SULT1A2: variants seen among roughly 807,000 people sequenced by gnomAD.
SULT1A2 encodes the protein sulfotransferase family 1A member 2, also known as sulfotransferase 1A2.
A neutral mutation model predicts 36.0 loss-of-function variants in SULT1A2; 33 were observed. The observed-to-expected ratio is 0.92, with a 90% CI of 0.69 to 1.22. The LOEUF (loss-of-function observed/expected upper bound fraction) is 1.22. Ranked by LOEUF, SULT1A2 falls within the 50% of genes most tolerant of loss-of-function variation. The pLI is 0.00. For synonymous variants in SULT1A2, 138 were observed against 144.5 expected, an observed-to-expected ratio of 0.96 and a Z score of 0.32; for missense variants, 367 against 383.2, an observed-to-expected ratio of 0.96 and a Z score of 0.35.
intron 1 of SULT1A2, 36 bp from the exon 2 acceptor site, chr16:28,595,970 C>T: frequency 1.3e-6 from 2 of 1,599,696 alleles, no homozygotes; most frequent in Non-Finnish European, 1.7e-6. Flanking sequence ...CGTTCCCTTA[C>T]CACCATCACA....
rs1361052389 is a variant in SULT1A2, at chr16:28,592,348, C to T, written c.690G>A (p.Lys230=). ...TGGTCATAGGGTTCTTCTTCATCTC[C>T]TTGAACGACGTGTGCTCAACCATGA... ...VDLMVEHTSF[K]EMKKNPMTNY... The change falls in exon 7 of 8, where the codon AAG becomes AAA. Residue 230 remains lysine, a synonymous_variant. Coordinates refer to ENST00000335715, the MANE Select transcript of SULT1A2 (RefSeq NM_001054.4). 2 of 1,613,976 alleles carry T rather than the reference C, an allele frequency of 1.2e-6. No individual in the cohort carries two copies. The highest frequency in any genetic ancestry group is 2.2e-5 in the South Asian group (2 of 91,074).
At chr16:28,593,418 C>T (rs1567295864) in intron 5 of SULT1A2, 24 bp downstream of exon 5, 5 of 1,614,192 alleles carry the variant, frequency 3.1e-6, no homozygotes, top group African/African-American at 2.7e-5. Flanking sequence ...AGCTCCACAC[C>T]TTCCTTCCTC....
rs776571529 is a variant in SULT1A2, at chr16:28,592,074, G to A, written c.842C>T (p.Ala281Val). ...GAGGCTGCAGCCTGCCATCTTCTTC[G>A]CATAGTCCGCATCGAAGCGCTCATT... ...AQNERFDADYAKKMAGCSLSF... is the reference protein window; with the variant it reads ...AQNERFDADYVKKMAGCSLSF... The change falls in exon 8 of 8, where the codon GCG becomes GTG. Residue 281 changes from alanine (A) to valine (V), a missense_variant. Physicochemically the swap from Ala to Val is moderately conservative, Grantham distance 64. Coordinates refer to ENST00000335715, the MANE Select transcript of SULT1A2 (RefSeq NM_001054.4). The A allele has an allele frequency of 1.2e-5, 20 of 1,611,874 alleles. No homozygotes were observed. Among genetic ancestry groups the A allele is most frequent in the Middle Eastern group, 2.2e-4 (1 of 4,456 alleles).
chr16:28,592,965 C>T (rs914184421), intron 6 of SULT1A2, among the ~76,000 whole-genome samples: 4 of 152,080 alleles, frequency 2.6e-5, no homozygotes, highest in African/African-American at 9.7e-5. Flanking sequence ...GAGCTGAGAT[C>T]ACACCACTGC....
chr16:28,595,522 A>G, intron 3 of SULT1A2, 28 bp downstream of exon 3: 1 of 1,613,176 alleles, frequency 6.2e-7, no homozygotes, highest in Non-Finnish European at 8.5e-7. Context: ...GTCTTCCTCC[A>G]CTCCCCTTGC....
rs760742843 is a variant in SULT1A2 at position 28,593,490 on chromosome 16, G to C, written c.451C>G (p.His151Asp). 12 of 1,614,000 alleles carry C rather than the reference G, an allele frequency of 7.4e-6. No homozygotes were observed. Among genetic ancestry groups the C allele is most frequent in the Admixed American group, 1.7e-5 (1 of 59,998 alleles). The change falls in exon 5 of 8, where the codon CAC becomes GAC. Residue 151 changes from histidine (H) to aspartate (D), a missense_variant. Physicochemically the swap from His to Asp is moderately conservative, Grantham distance 81. Transcript: ENST00000335715. ...HFYHMAKVYP[H>D]PGTWESFLEK... ...AGGAAGCTTTCCCAGGTCCCAGGGT[G>C]AGGGTACACTTTGGCCATGTGGTAG... is the stretch of plus-strand genomic sequence containing the variant.
rs1357185992 is a variant in SULT1A2 at position 28,591,963 on chromosome 16, A to T, written c.*65T>A. On this transcript the variant is annotated 3_prime_UTR_variant, in exon 8 of 8. Transcript: ENST00000335715. ...CTGCATTGAACACAAATCATACTTT[A>T]TTCTGGAGCCTCTTGGTCAGGCTTG... 6.2e-7 allele frequency: 1 copy of T among 1,610,956 alleles called. No homozygotes were observed.
intron 6 of SULT1A2, among the ~76,000 whole-genome samples, chr16:28,592,833 C>T (rs1168620330): frequency 6.6e-6 from 1 of 152,058 alleles, no homozygotes; most frequent in Non-Finnish European, 1.5e-5. Flanking sequence ...AGATGGAGAC[C>T]AACCTGGCCA....
At chr16:28,594,177 G>T (rs1212036720) in intron 4 of SULT1A2, among the ~76,000 whole-genome samples, 1 of 144,046 alleles carries the variant, frequency 6.9e-6, no homozygotes, top group African/African-American at 2.6e-5. Flanking sequence ...CTTTTTTCCT[G>T]TTGCCCAGGT....
intron 1 of SULT1A2, chr16:28,596,569 T>C (rs35278728): frequency 1.3e-4 from 36 of 280,754 alleles, no homozygotes; most frequent in Middle Eastern, 1.4e-3. Context: ...AGGAGGATCC[T>C]GGGCAGGGTG....
chr16:28,594,806 G>GTTTTTTTTTTTTTTTTTTTTTTTTTT (rs2047040053), intron 4 of SULT1A2, among the ~76,000 whole-genome samples: 1 of 90,976 alleles, frequency 1.1e-5, no homozygotes, highest in Non-Finnish European at 2.0e-5. Context: ...TTGAGACAGA[G>GTTTTTTTTTTTTTTTTTTTTTTTTTT]TTTTGCTCTT....
chr16:28,593,844 C>A (rs946133619), intron 4 of SULT1A2, among the ~76,000 whole-genome samples: 2 of 152,318 alleles, frequency 1.3e-5, no homozygotes, highest in East Asian at 1.9e-4. Flanking sequence ...CATGTTCCCA[C>A]CACCACCAAA....
Position 28,593,519 on chromosome 16 carries a change from T to C in SULT1A2, c.422A>G (p.His141Arg), listed in dbSNP as rs1318998625. ...GTACACTTTGGCCATGTGGTAGAAG[T>C]GGTAGTAGGAAACCGCCACATCCTT... The part of the protein sequence containing the change: ...NAKDVAVSYY[H>R]FYHMAKVYPH... Residue 141 changes from histidine (H) to arginine (R), a missense_variant, in exon 5 of 8, where the codon CAC (histidine) becomes CGC (arginine). Physicochemically the swap from His to Arg is conservative, Grantham distance 29 (BLOSUM62 0). Coordinates refer to ENST00000335715, the MANE Select transcript of SULT1A2 (RefSeq NM_001054.4). The C allele has an allele frequency of 6.2e-7, 1 of 1,613,970 alleles. No individual in the cohort carries two copies. The highest frequency in any genetic ancestry group is 1.7e-5 in the Admixed American group (1 of 59,986).
rs139593792 is a variant in SULT1A2 at position 28,595,902 on chromosome 16, G to A, written c.29C>T (p.Pro10Leu). 217 of 1,596,614 alleles carry A rather than the reference G, an allele frequency of 1.4e-4. 7 individuals are homozygous for A. The African/African-American group carries it at 2.3e-3, about 17-fold the overall frequency. The change falls in exon 2 of 8, where the codon CCG becomes CTG. Residue 10 changes from proline to leucine, a missense_variant. Pro to Leu is a moderately conservative substitution (Grantham distance 98). Coordinates refer to ENST00000335715, the MANE Select transcript of SULT1A2 (RefSeq NM_001054.4). ...GACCCCCTTCACGTACTCCAGTGGC[G>A]GGCGAGAGATGTCCTGGATCAGCTC... MELIQDISR[P>L]PLEYVKGVPL...
intron 6 of SULT1A2, 150 bp downstream of exon 6, chr16:28,593,102 G>T: frequency 5.9e-6 from 7 of 1,182,446 alleles, no homozygotes; most frequent in African/African-American, 1.5e-5. Flanking sequence ...ACATGGGGCT[G>T]CAGTGGGGCC....
intron 4 of SULT1A2, among the ~76,000 whole-genome samples, chr16:28,594,112 G>C (rs1450935887): frequency 6.7e-6 from 1 of 149,380 alleles, no homozygotes; most frequent in African/African-American, 2.4e-5. Context: ...TTTTTTGGGG[G>C]GGGGGACTCT....
Position 28,595,258 on chromosome 16 carries a change from T to G in SULT1A2, c.372+109A>C, listed in dbSNP as rs1025341189. 4.1e-6 allele frequency: 6 copies of G among 1,458,264 alleles called. No homozygotes were observed. The African/African-American group carries it at 8.6e-5, about 21-fold the overall frequency. The allele number at this position is 1,458,264 out of a possible 1,614,324, so 90.3% of individuals were successfully genotyped here. A position where few individuals can be genotyped will look rare whatever the true frequency, so the allele number is the denominator to read the frequency against. On this transcript the variant is annotated intron_variant, in intron 4 of 7. Coordinates refer to ENST00000335715, the MANE Select transcript of SULT1A2 (RefSeq NM_001054.4). ...CACACACCACTATGCACAGCTAAGT[T>G]TTTTTTTTGGAAGAGACTTATCTGG...
At chr16:28,595,339 G>C in intron 4 of SULT1A2, 28 bp downstream of exon 4, 9 of 1,612,670 alleles carry the variant, frequency 5.6e-6, no homozygotes, top group Non-Finnish European at 6.8e-6. Context: ...CTGAGATTGC[G>C]GGTGTGAACC....
At position 28,595,949 on chromosome 16, in the gene SULT1A2, A is replaced by G; in HGVS notation, c.-4-15T>C. On this transcript the variant is annotated splice_polypyrimidine_tract_variant and intron_variant, in intron 1 of 7. Coordinates refer to ENST00000335715, the MANE Select transcript of SULT1A2 (RefSeq NM_001054.4). The stretch of plus-strand genomic sequence containing the variant: ...GCTCCATGTTCCTGCGTCAGGGGCC[A>G]GAGCCAGGCCCGTTCCCTTACCACC... 6.2e-7 allele frequency: 1 copy of G among 1,603,008 alleles called. No individual in the cohort carries two copies. Among genetic ancestry groups the G allele is most frequent in the Non-Finnish European group, 8.5e-7 (1 of 1,174,282 alleles).
Sources: gnomAD v4.1 joint callset for allele counts (sites outside exome capture counted in the v4.1 genomes callset) on GRCh38, gnomAD v4.1.1 for gene constraint, MANE v1.5 for transcripts, NCBI Gene and HGNC (gene_info 2026-07-23, HGNC 2026-07-21) for gene names.